SIL1: variants seen among roughly 807,000 people sequenced by gnomAD.
SIL1 encodes the protein nucleotide exchange factor SIL1.
A neutral mutation model predicts 49.1 loss-of-function variants in SIL1; 40 were observed. The ratio of observed to expected loss-of-function variants is 0.81; its 90% CI spans 0.63 to 1.06. SIL1 has a LOEUF of 1.06. Among genes scored for constraint, SIL1 ranks in the 50% least tolerant of loss-of-function variants. The pLI, the probability that SIL1 is intolerant of heterozygous loss-of-function variation, is 0.00. For missense variants in SIL1, 500 were observed against 572.6 expected, an observed-to-expected ratio of 0.87 and a Z score of 1.29; for synonymous variants, 253 against 250.8, an observed-to-expected ratio of 1.01 and a Z score of -0.08.
chr5:139,059,695 T>C (rs570051211), intron 3 of SIL1, among the ~76,000 whole-genome samples: 9 of 152,202 alleles, frequency 5.9e-5, no homozygotes, highest in Non-Finnish European at 1.2e-4. Context: ...ACACCTATAT[T>C]TCTTGCTATA....
At position 138,952,766 on chromosome 5, in the gene SIL1, G is replaced by C. The variant is rs187855995; in HGVS notation, c.768-882C>G. 1.2e-4 allele frequency among the ~76,000 whole-genome samples: 19 copies of C among 152,376 alleles called. No individual in the cohort carries two copies. The East Asian group carries it at 3.7e-3, about 29-fold the overall frequency. Reference sequence around the variant, plus strand: ...ATGTGATTAAAACATTTCAGGCCCAGACCTCCCAGATGAAGGGATGAGGGG... The same window carrying C: ...ATGTGATTAAAACATTTCAGGCCCACACCTCCCAGATGAAGGGATGAGGGG... On this transcript the variant is annotated intron_variant, in intron 7 of 9. Coordinates refer to ENST00000394817, the MANE Select transcript of SIL1 (RefSeq NM_022464.5).
intron 7 of SIL1, among the ~76,000 whole-genome samples, chr5:139,008,312 CT>C (rs1768169773): frequency 1.3e-5 from 2 of 148,570 alleles, no homozygotes; most frequent in Admixed American, 1.3e-4. Flanking sequence ...GTGATATCCC[CT>C]TTATCATTTT....
At chr5:139,169,112 T>C (rs1751682157) in intron 1 of SIL1, among the ~76,000 whole-genome samples, 1 of 152,182 alleles carries the variant, frequency 6.6e-6, no homozygotes, top group African/African-American at 2.4e-5. Flanking sequence ...TGTCTATGAA[T>C]AGTCCCAGTA....
chr5:139,151,719 A>G (rs1232901534), intron 1 of SIL1, among the ~76,000 whole-genome samples: 1 of 152,236 alleles, frequency 6.6e-6, no homozygotes, highest in African/African-American at 2.4e-5. Context: ...CACCAAGGAA[A>G]GAAAATTAAA....
At chr5:139,120,992 G>A in intron 3 of SIL1, 43 bp downstream of exon 3, 1 of 1,612,500 alleles carries the variant, frequency 6.2e-7, no homozygotes, top group Middle Eastern at 2.0e-4. Flanking sequence ...TATGCAGTTT[G>A]AATTCAAAGT....
intron 1 of SIL1, among the ~76,000 whole-genome samples, chr5:139,194,968 C>T (rs1752237826): frequency 6.7e-6 from 1 of 149,150 alleles, no homozygotes; most frequent in Non-Finnish European, 1.5e-5. Flanking sequence ...CTCGCTCTAT[C>T]ACCCAGGCTG....
At chr5:139,126,724 G>A (rs191930527) in intron 2 of SIL1, among the ~76,000 whole-genome samples, 2 of 152,380 alleles carry the variant, frequency 1.3e-5, no homozygotes, top group East Asian at 1.9e-4. Flanking sequence ...TGGGGGGAAA[G>A]GCAGAGAGGA....
intron 6 of SIL1, among the ~76,000 whole-genome samples, chr5:139,023,123 T>A (rs1471682291): frequency 2.0e-5 from 3 of 152,240 alleles, no homozygotes; most frequent in Non-Finnish European, 4.4e-5. Flanking sequence ...AATGCAGACA[T>A]TTATATAAGC....
rs1309207896 is a variant in SIL1 at position 138,947,329 on chromosome 5, C to G, written c.1174G>C (p.Asp392His). ...TAHLLALPEH[D>H]AREKVLQTLG... ...GTCTGCAGCACCTTCTCACGGGCAT[C>G]ATGCTCGGGCAGCGCCAGGAGGTGG... is the stretch of plus-strand genomic sequence containing the variant. The change falls in exon 10 of 10, where the codon GAT becomes CAT. Residue 392 changes from aspartate to histidine, a missense_variant. Coordinates refer to ENST00000394817, the MANE Select transcript of SIL1 (RefSeq NM_022464.5). This position sits in a 1 kb window ranked among gnomAD's most constrained non-coding sequence, Gnocchi z 4.1. 2 of 1,613,604 alleles carry G rather than the reference C, an allele frequency of 1.2e-6. No homozygotes were observed. Among genetic ancestry groups the G allele is most frequent in the Admixed American group, 1.7e-5 (1 of 60,028 alleles).
intron 1 of SIL1, among the ~76,000 whole-genome samples, chr5:139,186,114 G>T (rs1009300311): frequency 1.3e-5 from 2 of 152,156 alleles, no homozygotes; most frequent in African/African-American, 4.8e-5. Flanking sequence ...TATCAAACCT[G>T]CCTCAGTGGA....
At chr5:139,038,175 T>G (rs1581049741) in intron 5 of SIL1, among the ~76,000 whole-genome samples, 1 of 152,184 alleles carries the variant, frequency 6.6e-6, no homozygotes, top group African/African-American at 2.4e-5. Flanking sequence ...CTTATAAATT[T>G]GGGGGAGACA....
chr5:139,104,552 G>A (rs1399441391), intron 3 of SIL1, among the ~76,000 whole-genome samples: 1 of 152,170 alleles, frequency 6.6e-6, no homozygotes, highest in Middle Eastern at 3.2e-3. Flanking sequence ...TCCCCTAGCA[G>A]AGGGCAAAGG....
intron 3 of SIL1, among the ~76,000 whole-genome samples, chr5:139,073,826 T>C (rs576490246): frequency 1.3e-5 from 2 of 151,636 alleles, no homozygotes; most frequent in East Asian, 3.9e-4. Context: ...CTTGGGAGGC[T>C]GGGGCGGAGG....
chr5:138,992,859 C>A (rs1310447095), intron 7 of SIL1, among the ~76,000 whole-genome samples: 1 of 151,760 alleles, frequency 6.6e-6, no homozygotes, highest in Non-Finnish European at 1.5e-5. Context: ...TCCCAAAAAA[C>A]TATTGAAAAA....
intron 8 of SIL1, 64 bp from the exon 9 acceptor site, chr5:138,951,399 G>T: frequency 1.2e-5 from 18 of 1,522,414 alleles, no homozygotes; most frequent in Non-Finnish European, 1.6e-5. Context: ...TGAGGCCCAG[G>T]GAAGGCAGGC....
At chr5:139,172,260 A>G (rs936949835) in intron 1 of SIL1, among the ~76,000 whole-genome samples, 4 of 152,222 alleles carry the variant, frequency 2.6e-5, no homozygotes, top group Admixed American at 6.5e-5. Flanking sequence ...AAAGCTCAAC[A>G]AACTCCAAAC....
chr5:138,998,899 C>G (rs1351740724), intron 7 of SIL1, among the ~76,000 whole-genome samples: 1 of 137,834 alleles, frequency 7.3e-6, no homozygotes, highest in Non-Finnish European at 1.5e-5. Flanking sequence ...TCTTGTCATC[C>G]AGGCTGGAGT....
chr5:139,042,573 C>G, intron 5 of SIL1, 47 bp downstream of exon 5: 1 of 1,505,120 alleles, frequency 6.6e-7, no homozygotes, highest in Non-Finnish European at 9.3e-7. Flanking sequence ...GCAAAGACAA[C>G]AAGGCCATGC....
intron 7 of SIL1, among the ~76,000 whole-genome samples, chr5:138,961,125 C>G (rs1358589978): frequency 1.3e-5 from 2 of 152,166 alleles, no homozygotes; most frequent in African/African-American, 4.8e-5. Flanking sequence ...GAAATGACCT[C>G]TTTTCTTTAA....
Sources: allele counts gnomAD v4.1 joint callset (sites outside exome capture counted in the v4.1 genomes callset), GRCh38; gene constraint gnomAD v4.1.1; non-coding constraint Gnocchi (gnomAD v3.1); transcripts MANE v1.5; gene names NCBI Gene and HGNC (gene_info 2026-07-23, HGNC 2026-07-21).